Variants in EDA observed in about 807,000 individuals in gnomAD.
EDA encodes the protein ectodysplasin A, also known as ectodysplasin-A.
A neutral mutation model predicts 23.6 loss-of-function variants in EDA; 2 were observed. That is an observed-to-expected ratio of 0.08 (90% confidence interval 0.03 to 0.27). The LOEUF is 0.27. Among genes scored for constraint, EDA ranks in the 10% least tolerant of loss-of-function variants. The pLI is 1.00. For missense variants in EDA, 229 were observed against 324.2 expected, an observed-to-expected ratio of 0.71 and a Z score of 2.26; for synonymous variants, 131 against 132.0, an observed-to-expected ratio of 0.99 and a Z score of 0.05.
At chrX:69,770,162 GT>G (rs2014587522) in intron 1 of EDA, among the ~76,000 whole-genome samples, 1 of 111,869 alleles carries the variant, frequency 8.9e-6, no homozygotes, top group Admixed American at 9.5e-5. Context: ...TCTATTTCCA[GT>G]TTTTGGCTAT....
At chrX:69,935,205 G>A (rs1384281482) in intron 1 of EDA, among the ~76,000 whole-genome samples, 1 of 112,186 alleles carries the variant, frequency 8.9e-6, no homozygotes, top group Admixed American at 9.5e-5. Flanking sequence ...TAGATACTTA[G>A]GTTGCTTCCA....
chrX:69,745,629 C>G, intron 1 of EDA, among the ~76,000 whole-genome samples: 1 of 112,117 alleles, frequency 8.9e-6, no homozygotes, highest in Non-Finnish European at 1.9e-5. Context: ...GTGGAGTTGA[C>G]TTATCAGTGT....
chrX:69,801,829 A>G (rs2015694200), intron 1 of EDA, among the ~76,000 whole-genome samples: 1 of 112,044 alleles, frequency 8.9e-6, no homozygotes, highest in African/African-American at 3.2e-5. Flanking sequence ...AAATTTGCAA[A>G]AAATCACCAA....
intron 1 of EDA, among the ~76,000 whole-genome samples, chrX:69,901,658 C>T (rs1031385271): frequency 2.7e-5 from 3 of 111,560 alleles, no homozygotes; most frequent in African/African-American, 9.8e-5. Flanking sequence ...TTTGAGGTAA[C>T]TGGGCAAGAA....
At chrX:69,850,015 C>T (rs2017093319) in intron 1 of EDA, among the ~76,000 whole-genome samples, 1 of 111,874 alleles carries the variant, frequency 8.9e-6, no homozygotes, top group Non-Finnish European at 1.9e-5. Flanking sequence ...ATTTGCAGTA[C>T]ATAATGATTA....
At chrX:69,788,641 C>T (rs1201658895) in intron 1 of EDA, among the ~76,000 whole-genome samples, 4 of 112,454 alleles carry the variant, frequency 3.6e-5, no homozygotes, top group African/African-American at 1.3e-4. Flanking sequence ...AGGAGGCAGT[C>T]TGCCCGTTCT....
intron 1 of EDA, among the ~76,000 whole-genome samples, chrX:69,630,452 T>C (rs1325401269): frequency 2.7e-5 from 3 of 111,900 alleles, no homozygotes; most frequent in African/African-American, 9.7e-5. Context: ...TGGTCTGTTT[T>C]GGATATCTTT....
At chrX:69,891,087 C>T (rs1310557068) in intron 1 of EDA, among the ~76,000 whole-genome samples, 2 of 111,442 alleles carry the variant, frequency 1.8e-5, no homozygotes, top group African/African-American at 6.5e-5. Context: ...CATGAACAGC[C>T]ACTTCTCAAA....
intron 1 of EDA, among the ~76,000 whole-genome samples, chrX:69,908,747 AATG>A (rs2018215011): frequency 9.1e-6 from 1 of 110,003 alleles, no homozygotes; most frequent in South Asian, 3.9e-4. Flanking sequence ...GAGAAATTAG[AATG>A]ATGAGGGAAT....
At chrX:69,726,564 AAT>A (rs1427357392) in intron 1 of EDA, among the ~76,000 whole-genome samples, 4 of 112,578 alleles carry the variant, frequency 3.6e-5, no homozygotes, top group African/African-American at 9.7e-5. Flanking sequence ...ATTCAATAAA[AAT>A]ATTACTTGGC....
chrX:69,690,062 G>GTA (rs1403601726), intron 1 of EDA, among the ~76,000 whole-genome samples: 113 of 110,425 alleles, frequency 1.0e-3, no homozygotes, highest in Non-Finnish European at 2.0e-3. Context: ...GGGTCTTTGT[G>GTA]TGTGTGTGTG....
chrX:69,752,031 A>G (rs1460955009), intron 1 of EDA, among the ~76,000 whole-genome samples: 1 of 111,045 alleles, frequency 9.0e-6, no homozygotes, highest in African/African-American at 3.3e-5. Context: ...AACAGGGACA[A>G]TTTGACTTCC....
chrX:69,659,647 C>G (rs1421366815), intron 1 of EDA, among the ~76,000 whole-genome samples: 2 of 111,859 alleles, frequency 1.8e-5, no homozygotes, highest in Non-Finnish European at 3.8e-5. Context: ...TAAAATGCAA[C>G]CCAATTTTAC....
chrX:69,715,439 G>A (rs751901033), intron 1 of EDA, among the ~76,000 whole-genome samples: 70 of 111,643 alleles, frequency 6.3e-4, no homozygotes, highest in Middle Eastern at 4.6e-3. Flanking sequence ...TTTAATGGTT[G>A]CATAATATTC....
intron 1 of EDA, among the ~76,000 whole-genome samples, chrX:69,641,066 C>A (rs1932833763): frequency 9.0e-6 from 1 of 110,958 alleles, no homozygotes; most frequent in Admixed American, 9.7e-5. Flanking sequence ...AAATTCTAGC[C>A]CTTCTGGTAA....
intron 1 of EDA, among the ~76,000 whole-genome samples, chrX:69,688,818 C>T (rs1222285951): frequency 8.9e-6 from 1 of 111,836 alleles, no homozygotes; most frequent in Non-Finnish European, 1.9e-5. Context: ...AAGGTCTAGG[C>T]TATGGAGAGG....
rs1289354670 is a variant in EDA at position 69,667,096 on chromosome X, T to C, written c.396+50392T>C. 2.9e-5 allele frequency among the ~76,000 whole-genome samples: 3 copies of C among 101,792 alleles called. No homozygotes were observed. In the East Asian group the frequency reaches 9.6e-4, roughly 33 times the overall value. 88.4% of individuals were successfully genotyped at this position (101,792 alleles called of 115,157 possible). On this transcript the variant is annotated intron_variant, in intron 1 of 7. Transcript: ENST00000374552. Reference sequence around the variant, plus strand: ...TGGCATATAATTGTTCATAATAGTCTCTTTTAATTTCTTTTTCTTTTTCTT... The same window carrying C: ...TGGCATATAATTGTTCATAATAGTCCCTTTTAATTTCTTTTTCTTTTTCTT...
intron 1 of EDA, among the ~76,000 whole-genome samples, chrX:69,830,448 T>C (rs2016580713): frequency 8.9e-6 from 1 of 111,842 alleles, no homozygotes; most frequent in Non-Finnish European, 1.9e-5. Context: ...TATATGTTAT[T>C]ATTATGGCTT....
At position 69,690,279 on chromosome X, in the gene EDA, C is replaced by G. The variant is rs141130172; in HGVS notation, c.396+73575C>G. Among the ~76,000 whole-genome samples, 325 of 111,577 alleles carry G rather than the reference C, an allele frequency of 2.9e-3. 2 individuals are homozygous for G. Among genetic ancestry groups the G allele is most frequent in the African/African-American group, 0.01 (308 of 30,737 alleles). ...ACTTAGTATAATGTTAGCTCTGGGT[C>G]TTTCCTAGGTACCCCTTAATGTGGT... On this transcript the variant is annotated intron_variant, in intron 1 of 7. Transcript: ENST00000374552.
Sources: gnomAD v4.1 joint callset for allele counts (sites outside exome capture counted in the v4.1 genomes callset) on GRCh38, gnomAD v4.1.1 for gene constraint, MANE v1.5 for transcripts, NCBI Gene and HGNC (gene_info 2026-07-23, HGNC 2026-07-21) for gene names.